The following ARHGEF6 variants were observed in gnomAD, a reference collection of about 807,000 sequenced individuals.
The protein encoded by ARHGEF6 is rho guanine nucleotide exchange factor 6.
Under a neutral mutation model 70.3 loss-of-function variants are expected in ARHGEF6, and 9 were observed. The ratio of observed to expected loss-of-function variants is 0.13; its 90% CI spans 0.08 to 0.22. ARHGEF6 has a LOEUF of 0.22. ARHGEF6 is among the 10% of genes least tolerant of loss of function. The pLI, the probability that ARHGEF6 is intolerant of heterozygous loss-of-function variation, is 1.00. For missense variants in ARHGEF6, 470 were observed against 563.0 expected (o/e 0.83, Z 1.67); for synonymous variants, 201 against 207.8 (o/e 0.97, Z 0.28).
chrX:136,758,295 C>T (rs1428226975), intron 2 of ARHGEF6, among the ~76,000 whole-genome samples: 1 of 109,356 alleles, frequency 9.1e-6, no homozygotes, highest in Non-Finnish European at 1.9e-5. Context: ...TCGTGATCCG[C>T]CCGCCTCGGC....
At position 136,755,454 on chromosome X, in the gene ARHGEF6, T is replaced by C. The variant is rs144293166; in HGVS notation, c.250-7862A>G. ...GGCAGTTAGAGAGGAGCCTCACCTATGGAGAGAAGGCTCCCTTGGTCCCTG... is the reference window on the plus strand; with the variant it reads ...GGCAGTTAGAGAGGAGCCTCACCTACGGAGAGAAGGCTCCCTTGGTCCCTG... On this transcript the variant is annotated intron_variant, in intron 2 of 21. Coordinates refer to ENST00000250617, the MANE Select transcript of ARHGEF6 (RefSeq NM_004840.3). Among the ~76,000 whole-genome samples the C allele has an allele frequency of 3.1e-3, 347 of 111,741 alleles. 2 individuals carry two copies. Among genetic ancestry groups the C allele is most frequent in the Admixed American group, 6.4e-3 (68 of 10,568 alleles).
At position 136,680,803 on chromosome X, in the gene ARHGEF6, G is replaced by A. The variant is rs1425806783; in HGVS notation, c.1632C>T (p.Asn544=). The part of the protein sequence containing the change: ...QDFQEWLEQL[N]RLIRGPASCS... ...AAGAGGCAGGTCCTCTGATCAGTCTGTTCAGCTGCTCCAACCATTCCTGGA... is the reference window on the plus strand; with the variant it reads ...AAGAGGCAGGTCCTCTGATCAGTCTATTCAGCTGCTCCAACCATTCCTGGA... Residue 544 remains asparagine (N), a synonymous_variant, in exon 15 of 22, where the codon AAC becomes AAT. Coordinates refer to ENST00000250617, the MANE Select transcript of ARHGEF6 (RefSeq NM_004840.3). 8.3e-7 allele frequency: 1 copy of A among 1,209,764 alleles called. No individual in the cohort carries two copies. Among genetic ancestry groups the A allele is most frequent in the African/African-American group, 1.7e-5 (1 of 57,215 alleles).
chrX:136,683,582 T>A (rs1043114174), intron 12 of ARHGEF6, among the ~76,000 whole-genome samples: 1 of 111,535 alleles, frequency 9.0e-6, no homozygotes, highest in African/African-American at 3.3e-5. Flanking sequence ...GGTCTCAAAC[T>A]CCCGACTTCA....
intron 6 of ARHGEF6, among the ~76,000 whole-genome samples, chrX:136,722,094 G>T (rs2076804154): frequency 9.1e-6 from 1 of 110,242 alleles, no homozygotes; most frequent in South Asian, 3.8e-4. Flanking sequence ...AGTGGGGAGA[G>T]AACTTTTTTT....
chrX:136,713,379 A>G lies in ARHGEF6; in HGVS notation c.733-9T>C. 8.7e-7 allele frequency: 1 copy of G among 1,154,603 alleles called. No homozygotes were observed. ...AGGATGTTCTGTAACACCTATGGAAAAAAAAGTCAATGTATTATAATCATC... is the reference window on the plus strand; with the variant it reads ...AGGATGTTCTGTAACACCTATGGAAGAAAAAGTCAATGTATTATAATCATC... On this transcript the variant is annotated splice_polypyrimidine_tract_variant and intron_variant, in intron 6 of 21. Coordinates refer to ENST00000250617, the MANE Select transcript of ARHGEF6 (RefSeq NM_004840.3).
At chrX:136,746,049 T>A (rs1378743655) in intron 3 of ARHGEF6, among the ~76,000 whole-genome samples, 1 of 112,143 alleles carries the variant, frequency 8.9e-6, no homozygotes, top group Non-Finnish European at 1.9e-5. Flanking sequence ...TTCCTCTCCA[T>A]TTATTTTTAA....
At chrX:136,689,239 C>G (rs908871701) in intron 10 of ARHGEF6, among the ~76,000 whole-genome samples, 8 of 111,937 alleles carry the variant, frequency 7.1e-5, no homozygotes, top group African/African-American at 2.3e-4. Context: ...CAGTGGTGAA[C>G]TAGTTCTAAA....
chrX:136,752,174 T>C (rs956113107), intron 2 of ARHGEF6, among the ~76,000 whole-genome samples: 2 of 112,506 alleles, frequency 1.8e-5, no homozygotes, highest in Admixed American at 9.4e-5. Context: ...GAGTTTGTTA[T>C]AGCCTCTAAA....
At chrX:136,687,490 T>A (rs1413941304) in intron 11 of ARHGEF6, among the ~76,000 whole-genome samples, 2 of 112,372 alleles carry the variant, frequency 1.8e-5, no homozygotes, top group Non-Finnish European at 3.8e-5. Flanking sequence ...TCTTTAGGTT[T>A]TTTCCCCCCT....
chrX:136,708,405 T>C (rs2076649849), intron 8 of ARHGEF6, among the ~76,000 whole-genome samples: 1 of 109,646 alleles, frequency 9.1e-6, no homozygotes, highest in Non-Finnish European at 1.9e-5. Flanking sequence ...AGACCTTATG[T>C]GTCTCTTATA....
At chrX:136,675,431 A>G (rs2148571404) in intron 18 of ARHGEF6, among the ~76,000 whole-genome samples, 1 of 110,775 alleles carries the variant, frequency 9.0e-6, no homozygotes, top group Non-Finnish European at 1.9e-5. Flanking sequence ...GCTCCCATCA[A>G]TATACCCCAG....
Position 136,690,622 on chromosome X carries a change from T to C in ARHGEF6, c.1173A>G (p.Glu391=). The change falls in exon 10 of 22, where the codon GAA becomes GAG. Residue 391 remains glutamate (E), a synonymous_variant. Transcript: ENST00000250617. ...EKYVTLLQEL[E]RHMEDTHPDH... is the part of the protein sequence containing the mutation. ...CACCTTCCCTTACCTCCATATGCCGTTCTAACTCTTGCAAGAGAGTAACAT... is the reference window on the plus strand; with the variant it reads ...CACCTTCCCTTACCTCCATATGCCGCTCTAACTCTTGCAAGAGAGTAACAT... The C allele has an allele frequency of 8.3e-7, 1 of 1,211,030 alleles. No homozygotes were observed. Among genetic ancestry groups the C allele is most frequent in the African/African-American group, 1.7e-5 (1 of 57,602 alleles).
At chrX:136,765,145 C>T (rs1194208806) in intron 2 of ARHGEF6, among the ~76,000 whole-genome samples, 1 of 111,646 alleles carries the variant, frequency 9.0e-6, no homozygotes, top group Non-Finnish European at 1.9e-5. Flanking sequence ...ATGCCACCTA[C>T]CTCCCAGGAG....
chrX:136,729,771 A>G (rs2076916250), intron 6 of ARHGEF6, among the ~76,000 whole-genome samples: 1 of 109,265 alleles, frequency 9.2e-6, no homozygotes, highest in Admixed American at 9.8e-5. Flanking sequence ...CGGAGGTTGC[A>G]GTGAGCTGAG....
At chrX:136,748,275 C>T (rs2077116535) in intron 2 of ARHGEF6, among the ~76,000 whole-genome samples, 1 of 111,796 alleles carries the variant, frequency 8.9e-6, no homozygotes, top group Non-Finnish European at 1.9e-5. Flanking sequence ...CTCTTCCTGG[C>T]TTTAGATGAC....
At position 136,685,669 on chromosome X, in the gene ARHGEF6, T is replaced by C. The variant is rs1328305327; in HGVS notation, c.1392+8A>G. On this transcript the variant is annotated splice_region_variant and intron_variant, in intron 12 of 21. Transcript: ENST00000250617. The stretch of plus-strand genomic sequence containing the variant: ...GAAGAAATAATGTTGAGATTTGAAA[T>C]ACCTTACCTCACATGCTCCATACTG... 1 of 1,191,483 alleles carries C rather than the reference T, an allele frequency of 8.4e-7. No individual in the cohort carries two copies. Among genetic ancestry groups the C allele is most frequent in the Non-Finnish European group, 1.1e-6 (1 of 881,459 alleles).
chrX:136,682,026 C>T, intron 13 of ARHGEF6, 58 bp from the exon 14 acceptor site: 1 of 1,011,933 alleles, frequency 9.9e-7, no homozygotes, highest in Non-Finnish European at 1.4e-6. Context: ...CTGTTTATTT[C>T]ACTTAGATTT....
chrX:136,711,596 T>C (rs2076685418), intron 7 of ARHGEF6, among the ~76,000 whole-genome samples: 1 of 111,976 alleles, frequency 8.9e-6, no homozygotes, highest in African/African-American at 3.3e-5. Context: ...GGAGTCTCAC[T>C]CTGTCCCCCA....
At chrX:136,757,630 C>T (rs930715873) in intron 2 of ARHGEF6, among the ~76,000 whole-genome samples, 1 of 111,597 alleles carries the variant, frequency 9.0e-6, no homozygotes, top group African/African-American at 3.3e-5. Flanking sequence ...ATGGTGTTTT[C>T]CCCAAACACT....
Sources: gnomAD v4.1 joint callset for allele counts (sites outside exome capture counted in the v4.1 genomes callset) on GRCh38, gnomAD v4.1.1 for gene constraint, MANE v1.5 for transcripts, NCBI Gene and HGNC (gene_info 2026-07-23, HGNC 2026-07-21) for gene names.